GAREM1: variants seen among roughly 807,000 people sequenced by gnomAD.
GAREM1 encodes GRB2 associated regulator of MAPK1 subtype 1, also known as GRB2-associated and regulator of MAPK protein 1.
A neutral mutation model predicts 71.3 loss-of-function variants in GAREM1; 26 were observed. That is an observed-to-expected ratio of 0.36 (90% CI 0.27 to 0.51). The LOEUF (loss-of-function observed/expected upper bound fraction) is 0.51, where lower values mean the gene tolerates loss of function less well. GAREM1 is among the 20% of genes least tolerant of loss of function. GAREM1 has a pLI of 0.95. For synonymous variants in GAREM1, 440 were observed against 433.2 expected, an observed-to-expected ratio of 1.02 and a Z score of -0.20; for missense variants, 1,026 against 1,103.1, an observed-to-expected ratio of 0.93 and a Z score of 0.99.
chr18:32,304,281 T>A (rs1257062489), intron 3 of GAREM1, among the ~76,000 whole-genome samples: 1 of 151,856 alleles, frequency 6.6e-6, no homozygotes, highest in Non-Finnish European at 1.5e-5. Flanking sequence ...CACTCCAGCC[T>A]GGGTGACAGA....
chr18:32,439,962 A>G (rs2048717858), intron 1 of GAREM1, among the ~76,000 whole-genome samples: 2 of 152,116 alleles, frequency 1.3e-5, no homozygotes, highest in South Asian at 4.1e-4. Flanking sequence ...AGCTCTAGAA[A>G]TTGCATCTTG....
chr18:32,368,625 C>T (rs2047948681), intron 2 of GAREM1, among the ~76,000 whole-genome samples: 1 of 152,190 alleles, frequency 6.6e-6, no homozygotes, highest in Non-Finnish European at 1.5e-5. Flanking sequence ...AAAGTGTCCA[C>T]AGACCCTACT....
At chr18:32,368,139 C>T (rs1432851612) in intron 2 of GAREM1, among the ~76,000 whole-genome samples, 2 of 151,840 alleles carry the variant, frequency 1.3e-5, no homozygotes, top group African/African-American at 2.4e-5. Context: ...TGGCAGCTTT[C>T]GTTCCCTCCT....
chr18:32,463,740 T>G (rs1157942740), intron 1 of GAREM1, among the ~76,000 whole-genome samples: 1 of 151,642 alleles, frequency 6.6e-6, no homozygotes, highest in African/African-American at 2.4e-5. Flanking sequence ...CAGCTAATTT[T>G]TTGTAGTTTT....
chr18:32,307,101 A>G (rs1180881223), intron 3 of GAREM1, among the ~76,000 whole-genome samples: 2 of 152,260 alleles, frequency 1.3e-5, no homozygotes, highest in Non-Finnish European at 2.9e-5. Flanking sequence ...GAAGAAACCC[A>G]GAACTAGAGT....
chr18:32,358,335 A>T (rs1039218386), intron 2 of GAREM1, among the ~76,000 whole-genome samples: 1 of 151,836 alleles, frequency 6.6e-6, no homozygotes, highest in African/African-American at 2.4e-5. Context: ...TCATTACAGG[A>T]GGTCAAGTGA....
chr18:32,331,148 G>C (rs903946344), intron 2 of GAREM1, among the ~76,000 whole-genome samples: 3 of 152,028 alleles, frequency 2.0e-5, no homozygotes, highest in African/African-American at 7.3e-5. Context: ...TTGGTGGGTA[G>C]CAACAGTTTA....
intron 1 of GAREM1, among the ~76,000 whole-genome samples, chr18:32,457,224 A>ATGT (rs1555648700): frequency 0.013 from 1,349 of 107,386 alleles, 26 homozygotes; most frequent in African/African-American, 0.033. Context: ...AGAGAGAGAG[A>ATGT]GAGTGTGTGT....
At position 32,366,082 on chromosome 18, in the gene GAREM1, T is replaced by C. The variant is rs74545581; in HGVS notation, c.262+26813A>G. Among the ~76,000 whole-genome samples, 121 of 152,266 alleles carry C rather than the reference T, an allele frequency of 7.9e-4. 1 individual carries two copies. The East Asian group carries it at 0.019, about 24-fold the overall frequency. On this transcript the variant is annotated intron_variant, in intron 2 of 5. Coordinates refer to ENST00000269209, the MANE Select transcript of GAREM1 (RefSeq NM_001242409.2). Reference sequence around the variant, plus strand: ...GTTTCAAATGAGTAATTTTATTTCATTGAAATATACTGCTACCTCTCCCTG... The same window carrying C: ...GTTTCAAATGAGTAATTTTATTTCACTGAAATATACTGCTACCTCTCCCTG...
intron 1 of GAREM1, among the ~76,000 whole-genome samples, chr18:32,405,053 GT>G (rs2048353060): frequency 6.6e-6 from 1 of 152,182 alleles, no homozygotes; most frequent in Admixed American, 6.5e-5. Context: ...AGCTGTTCAA[GT>G]GATAATACTG....
intron 3 of GAREM1, among the ~76,000 whole-genome samples, chr18:32,309,433 G>C (rs962157248): frequency 7.0e-6 from 1 of 142,376 alleles, no homozygotes; most frequent in African/African-American, 2.7e-5. Context: ...GGCTAACACG[G>C]TGAAACCCCA....
At chr18:32,358,362 A>G (rs955058983) in intron 2 of GAREM1, among the ~76,000 whole-genome samples, 1 of 151,884 alleles carries the variant, frequency 6.6e-6, no homozygotes, top group Non-Finnish European at 1.5e-5. Context: ...CAGGTTGTCA[A>G]AAGGGGCCAG....
At chr18:32,295,963 C>CTTTT (rs112464339) in intron 3 of GAREM1, among the ~76,000 whole-genome samples, 1 of 146,404 alleles carries the variant, frequency 6.8e-6, no homozygotes, top group Non-Finnish European at 1.5e-5. Context: ...TTAGCTTTTT[C>CTTTT]TTTTTTTTTT....
chr18:32,301,760 C>G (rs1403972226), intron 3 of GAREM1, among the ~76,000 whole-genome samples: 1 of 152,214 alleles, frequency 6.6e-6, no homozygotes, highest in African/African-American at 2.4e-5. Context: ...ACACTGAAGG[C>G]TATCTCTCCA....
In GAREM1 at chr18:32,264,983, C is replaced by G. The variant is rs897340981; in HGVS notation, c.*2888G>C. The G allele has an allele frequency of 1.3e-5, 2 of 152,188 alleles. No homozygotes were observed. Among genetic ancestry groups the G allele is most frequent in the Non-Finnish European group, 2.9e-5 (2 of 68,052 alleles). The allele number at this position is 152,188 out of a possible 1,614,324, so 9.4% of individuals were successfully genotyped here. On this transcript the variant is annotated 3_prime_UTR_variant, in exon 6 of 6. Coordinates refer to ENST00000269209, the MANE Select transcript of GAREM1 (RefSeq NM_001242409.2). The stretch of plus-strand genomic sequence containing the variant: ...CTTGACCTGGCTGGTTAGAAGGGTT[C>G]TGTGTGTGGATCTCTGGGCATCACT...
At chr18:32,417,782 A>G (rs1038471555) in intron 1 of GAREM1, among the ~76,000 whole-genome samples, 2 of 152,162 alleles carry the variant, frequency 1.3e-5, no homozygotes, top group Non-Finnish European at 2.9e-5. Context: ...CAAAAAAAGT[A>G]AAAAAGAATA....
chr18:32,357,473 T>C (rs1022757803), intron 2 of GAREM1, among the ~76,000 whole-genome samples: 1 of 152,200 alleles, frequency 6.6e-6, no homozygotes, highest in Non-Finnish European at 1.5e-5. Flanking sequence ...AGCTCTCCAA[T>C]GACAGAGACA....
intron 2 of GAREM1, among the ~76,000 whole-genome samples, chr18:32,351,167 T>A (rs2047746678): frequency 6.6e-6 from 1 of 152,154 alleles, no homozygotes. Context: ...AATTAGGAAG[T>A]AATTTTCATT....
intron 2 of GAREM1, among the ~76,000 whole-genome samples, chr18:32,350,184 T>A (rs1361993375): frequency 6.6e-6 from 1 of 152,208 alleles, no homozygotes; most frequent in East Asian, 1.9e-4. Context: ...CCCCCTTTTT[T>A]TCCAGAATGA....
Sources: gnomAD v4.1 joint callset for allele counts (sites outside exome capture counted in the v4.1 genomes callset) on GRCh38, gnomAD v4.1.1 for gene constraint, MANE v1.5 for transcripts, NCBI Gene and HGNC (gene_info 2026-07-23, HGNC 2026-07-21) for gene names.